The following DSCAM variants were observed in gnomAD, a reference collection of about 807,000 sequenced individuals.
The protein encoded by DSCAM is DS cell adhesion molecule.
Under a neutral mutation model 217.7 loss-of-function variants are expected in DSCAM, and 47 were observed. That is an observed-to-expected ratio of 0.22 (90% CI 0.17 to 0.28). DSCAM has a LOEUF of 0.28. Among genes scored for constraint, DSCAM ranks in the 10% least tolerant of loss-of-function variants. DSCAM has a pLI of 1.00. For synonymous variants in DSCAM, 1,056 were observed against 1,015.3 expected, an observed-to-expected ratio of 1.04 and a Z score of -0.76; for missense variants, 2,080 against 2,618.3, an observed-to-expected ratio of 0.79 and a Z score of 4.49.
In DSCAM at chr21:40,508,757, A is replaced by G. The variant is rs1454708380; in HGVS notation, c.509-139512T>C. Among the ~76,000 whole-genome samples, 2 of 9,558 alleles carry G rather than the reference A, an allele frequency of 2.1e-4. 1 individual carries two copies. The highest frequency in any genetic ancestry group is 1.3e-3 in the African/African-American group (2 of 1,536). The allele number at this position is 9,558 out of a possible 152,430, so 6.3% of individuals were successfully genotyped here. A position where few individuals can be genotyped will look rare whatever the true frequency, so the allele number is the denominator to read the frequency against. On this transcript the variant is annotated intron_variant, in intron 3 of 32. Transcript: ENST00000400454. ...CAAATATATATATATATATATATAT[A>G]TATATATATATATATATATATATAT...
intron 28 of DSCAM, among the ~76,000 whole-genome samples, chr21:40,060,423 C>G (rs550611968): frequency 6.6e-6 from 1 of 152,192 alleles, no homozygotes; most frequent in Non-Finnish European, 1.5e-5. Flanking sequence ...GTTTCACAGC[C>G]TCTGGACAAA....
chr21:40,580,640 T>C (rs775902779), intron 3 of DSCAM, among the ~76,000 whole-genome samples: 5 of 152,094 alleles, frequency 3.3e-5, no homozygotes, highest in African/African-American at 9.7e-5. Context: ...ATAGAACTTA[T>C]ATAAACTTCC....
intron 3 of DSCAM, among the ~76,000 whole-genome samples, chr21:40,633,083 C>A (rs926774381): frequency 3.9e-5 from 6 of 152,186 alleles, no homozygotes; most frequent in African/African-American, 1.4e-4. Context: ...CTATTTAAAA[C>A]CCCCTTTAGG....
rs184149261 is a variant in DSCAM, at chr21:40,536,695, T to C, written c.508+156115A>G. ...TGCAGGGATTACAGGCGTGAGCCAC[T>C]GCACCCGGTCCCGGTAGATTCTAAT... On this transcript the variant is annotated intron_variant, in intron 3 of 32. Transcript: ENST00000400454. Among the ~76,000 whole-genome samples, 157 of 152,308 alleles carry C rather than the reference T, an allele frequency of 1.0e-3. No individual in the cohort carries two copies. The East Asian group carries it at 0.016, about 16-fold the overall frequency.
At chr21:40,389,448 C>T (rs2075114826) in intron 3 of DSCAM, among the ~76,000 whole-genome samples, 2 of 152,120 alleles carry the variant, frequency 1.3e-5, no homozygotes, top group African/African-American at 4.8e-5. Flanking sequence ...TGTATTTGGC[C>T]AGTACCACAA....
intron 2 of DSCAM, among the ~76,000 whole-genome samples, chr21:40,693,849 C>T (rs1343306480): frequency 6.6e-6 from 1 of 152,118 alleles, no homozygotes; most frequent in Admixed American, 6.5e-5. Flanking sequence ...GATGTCTAGG[C>T]TCAGAGGCAG....
intron 1 of DSCAM, among the ~76,000 whole-genome samples, chr21:40,785,975 G>T (rs1601257471): frequency 6.6e-6 from 1 of 152,166 alleles, no homozygotes; most frequent in Non-Finnish European, 1.5e-5. Flanking sequence ...AGTGGCTCAT[G>T]CCTGTAATCC....
chr21:40,278,741 G>GGAGGAGGAGGAA (rs2073722323), intron 10 of DSCAM, among the ~76,000 whole-genome samples: 1 of 151,860 alleles, frequency 6.6e-6, no homozygotes, highest in African/African-American at 2.4e-5. Context: ...AAGAGAAGGA[G>GGAGGAGGAGGAA]GAGGAGGAGG....
At chr21:40,162,581 G>C (rs1413551122) in intron 16 of DSCAM, among the ~76,000 whole-genome samples, 3 of 152,196 alleles carry the variant, frequency 2.0e-5, no homozygotes, top group Non-Finnish European at 4.4e-5. Flanking sequence ...AGGTTGTAAT[G>C]ATGCCTCAAT....
intron 20 of DSCAM, among the ~76,000 whole-genome samples, chr21:40,115,196 A>C (rs868208519): frequency 6.6e-6 from 1 of 152,226 alleles, no homozygotes; most frequent in South Asian, 2.1e-4. Context: ...TGGATTAAGA[A>C]AATGTGGCAC....
intron 32 of DSCAM, among the ~76,000 whole-genome samples, chr21:40,029,947 T>C (rs2088485193): frequency 6.6e-6 from 1 of 152,264 alleles, no homozygotes; most frequent in Non-Finnish European, 1.5e-5. Context: ...ATAAATATTA[T>C]ACTAAGGGTC....
chr21:40,065,253 A>G (rs1483423769), intron 27 of DSCAM, among the ~76,000 whole-genome samples: 1 of 152,070 alleles, frequency 6.6e-6, no homozygotes, highest in Non-Finnish European at 1.5e-5. Context: ...TCTAGTTTCA[A>G]TATCGGGGGA....
intron 1 of DSCAM, among the ~76,000 whole-genome samples, chr21:40,770,680 T>C (rs1018837396): frequency 6.6e-6 from 1 of 152,136 alleles, no homozygotes; most frequent in African/African-American, 2.4e-5. Context: ...AAAACTCACT[T>C]AATTGTCACA....
At chr21:40,568,001 G>A (rs768293682) in intron 3 of DSCAM, among the ~76,000 whole-genome samples, 9 of 151,932 alleles carry the variant, frequency 5.9e-5, no homozygotes, top group Non-Finnish European at 1.2e-4. Flanking sequence ...GCAGTGGCGC[G>A]ATCTCCGCTC....
At chr21:40,639,201 G>C (rs574686887) in intron 3 of DSCAM, among the ~76,000 whole-genome samples, 1 of 152,198 alleles carries the variant, frequency 6.6e-6, no homozygotes, top group South Asian at 2.1e-4. Flanking sequence ...CCACAGGGGA[G>C]TAACGCCAAA....
intron 3 of DSCAM, among the ~76,000 whole-genome samples, chr21:40,395,945 C>T (rs2075174976): frequency 6.6e-6 from 1 of 152,102 alleles, no homozygotes; most frequent in Admixed American, 6.6e-5. Flanking sequence ...TTCGGAATGT[C>T]AAATCTGATT....
chr21:40,615,751 T>C (rs1426880820), intron 3 of DSCAM, among the ~76,000 whole-genome samples: 1 of 152,170 alleles, frequency 6.6e-6, no homozygotes, highest in African/African-American at 2.4e-5. Context: ...AAGTCTTTCC[T>C]GGGCAGAGAG....
chr21:40,147,930 T>G (rs1464725201), intron 16 of DSCAM, among the ~76,000 whole-genome samples: 3 of 152,144 alleles, frequency 2.0e-5, no homozygotes, highest in Non-Finnish European at 4.4e-5. Context: ...GTTTCTCTGT[T>G]TCTAAGTTTA....
Position 40,087,171 on chromosome 21 carries a change from T to A in DSCAM, c.3967A>T (p.Ser1323Cys). The A allele has an allele frequency of 1.2e-6, 2 of 1,608,976 alleles. No individual in the cohort carries two copies. Among genetic ancestry groups the A allele is most frequent in the Non-Finnish European group, 1.7e-6 (2 of 1,175,268 alleles). ...PSPAVKWMKD[S>C]NGTPSLVTID... ...GGCATACATTGGGTTACTGGTTACC[T>A]GTCTTTCATCCATTTGACTGCAGGA... The change falls in exon 22 of 33, where the codon AGT (serine) becomes TGT (cysteine). Residue 1323 changes from serine to cysteine, a missense_variant and splice_region_variant. Ser to Cys is a moderately radical substitution (Grantham distance 112). Coordinates refer to ENST00000400454, the MANE Select transcript of DSCAM (RefSeq NM_001389.5).
Sources: allele counts gnomAD v4.1 joint callset (sites outside exome capture counted in the v4.1 genomes callset), GRCh38; gene constraint gnomAD v4.1.1; transcripts MANE v1.5; gene names NCBI Gene and HGNC (gene_info 2026-07-23, HGNC 2026-07-21).